CAMKMT: variants seen among roughly 807,000 people sequenced by gnomAD.
CAMKMT encodes CaM KMT.
CAMKMT carries 53 observed loss-of-function variants against 48.0 expected under a neutral mutation model. The observed-to-expected ratio is 1.10, with a 90% CI of 0.89 to 1.39. The LOEUF is 1.39. Among genes scored for constraint, CAMKMT ranks in the 40% most tolerant of loss-of-function variants. The pLI is 0.00. For missense variants in CAMKMT, 428 were observed against 402.7 expected (o/e 1.06, Z -0.54); for synonymous variants, 165 against 152.3 (o/e 1.08, Z -0.61).
intron 3 of CAMKMT, among the ~76,000 whole-genome samples, chr2:44,507,128 C>T (rs1329775913): frequency 6.6e-6 from 1 of 151,550 alleles, no homozygotes; most frequent in Admixed American, 6.6e-5. Context: ...AAATTGAAGG[C>T]AGTTTGGAGC....
chr2:44,615,330 A>G (rs1016346237), intron 3 of CAMKMT, among the ~76,000 whole-genome samples: 1 of 152,196 alleles, frequency 6.6e-6, no homozygotes, highest in African/African-American at 2.4e-5. Context: ...GTCCAAAGTC[A>G]GAGAAACCAT....
In CAMKMT at chr2:44,599,826, T is replaced by TAA. The variant is rs35544020; in HGVS notation, c.377-104443_377-104442dup. Among the ~76,000 whole-genome samples, 503 of 145,458 alleles carry TAA rather than the reference T, an allele frequency of 3.5e-3. 5 individuals are homozygous for TAA. Among genetic ancestry groups the TAA allele is most frequent in the South Asian group, 7.2e-3 (33 of 4,612 alleles). On this transcript the variant is annotated intron_variant, in intron 3 of 10. Coordinates refer to ENST00000378494, the MANE Select transcript of CAMKMT (RefSeq NM_024766.5). The stretch of plus-strand genomic sequence containing the variant: ...GTGGAGTTGACACCTTGGCAAGGTT[T>TAA]AAAAAAAAAAAAAAAGTGTATGTTT...
At chr2:44,665,698 A>G (rs893158178) in intron 3 of CAMKMT, among the ~76,000 whole-genome samples, 8 of 152,218 alleles carry the variant, frequency 5.3e-5, no homozygotes, top group African/African-American at 1.4e-4. Flanking sequence ...GGTTGTACTC[A>G]TCTTTCCGTC....
chr2:44,713,548 T>G (rs993121172), intron 6 of CAMKMT, among the ~76,000 whole-genome samples: 2 of 152,184 alleles, frequency 1.3e-5, no homozygotes, highest in Non-Finnish European at 2.9e-5. Context: ...GATGTGTCAT[T>G]TTAGTTAATC....
At chr2:44,371,134 G>A (rs1426510446) in intron 1 of CAMKMT, among the ~76,000 whole-genome samples, 2 of 151,996 alleles carry the variant, frequency 1.3e-5, no homozygotes, top group Non-Finnish European at 2.9e-5. Flanking sequence ...ACAGGCCCCC[G>A]CCACCACACC....
At chr2:44,459,758 C>T (rs1333244450) in intron 3 of CAMKMT, among the ~76,000 whole-genome samples, 1 of 152,098 alleles carries the variant, frequency 6.6e-6, no homozygotes, top group Non-Finnish European at 1.5e-5. Flanking sequence ...TAGCAAAGTG[C>T]CAAAAGTTCA....
chr2:44,412,293 A>G (rs1572806435), intron 3 of CAMKMT, among the ~76,000 whole-genome samples: 1 of 151,772 alleles, frequency 6.6e-6, no homozygotes, highest in African/African-American at 2.4e-5. Flanking sequence ...TTTGACACAA[A>G]TTGTTTTTGG....
At chr2:44,717,962 AC>A (rs1168733047) in intron 7 of CAMKMT, among the ~76,000 whole-genome samples, 1 of 151,750 alleles carries the variant, frequency 6.6e-6, no homozygotes, top group East Asian at 1.9e-4. Flanking sequence ...ACCTCTTCCT[AC>A]CTCTTACACA....
At chr2:44,441,628 G>A (rs1023610654) in intron 3 of CAMKMT, among the ~76,000 whole-genome samples, 4 of 151,778 alleles carry the variant, frequency 2.6e-5, no homozygotes, top group East Asian at 1.9e-4. Flanking sequence ...TAGTGCCTTC[G>A]AATATCTTTC....
At chr2:44,547,048 A>C (rs1667447884) in intron 3 of CAMKMT, among the ~76,000 whole-genome samples, 1 of 152,126 alleles carries the variant, frequency 6.6e-6, no homozygotes, top group African/African-American at 2.4e-5. Flanking sequence ...TGTGTCCAAA[A>C]TGTGTTGAGG....
At chr2:44,691,205 G>T (rs936264950) in intron 3 of CAMKMT, among the ~76,000 whole-genome samples, 3 of 152,206 alleles carry the variant, frequency 2.0e-5, no homozygotes, top group African/African-American at 7.2e-5. Flanking sequence ...CTGCGGTGAT[G>T]GCTATGACCG....
intron 3 of CAMKMT, among the ~76,000 whole-genome samples, chr2:44,479,918 G>A (rs1490746256): frequency 6.6e-6 from 1 of 152,170 alleles, no homozygotes; most frequent in Non-Finnish European, 1.5e-5. Flanking sequence ...CTCAGGGAAA[G>A]ATATGATGTA....
At chr2:44,631,386 T>TC (rs1672816419) in intron 3 of CAMKMT, 1 of 437,320 alleles carries the variant, frequency 2.3e-6, no homozygotes, top group Non-Finnish European at 4.0e-6. Context: ...ACCCTAAAAC[T>TC]TAAAGTATAA....
At chr2:44,416,568 A>ATT (rs34882377) in intron 3 of CAMKMT, among the ~76,000 whole-genome samples, 1,061 of 80,178 alleles carry the variant, frequency 0.013, 16 homozygotes, top group African/African-American at 0.023. Flanking sequence ...ACTTAGCATG[A>ATT]TTTTTTTTTT....
At chr2:44,580,216 T>G (rs1008238667) in intron 3 of CAMKMT, among the ~76,000 whole-genome samples, 1 of 141,558 alleles carries the variant, frequency 7.1e-6, no homozygotes, top group Non-Finnish European at 1.6e-5. Context: ...ATGCTAATGA[T>G]TGAGAATGAA....
chr2:44,419,650 A>C (rs1302742291), intron 3 of CAMKMT, among the ~76,000 whole-genome samples: 2 of 152,178 alleles, frequency 1.3e-5, no homozygotes, highest in African/African-American at 4.8e-5. Context: ...CACAGTCATC[A>C]CCGTAACCCT....
In CAMKMT at chr2:44,602,149, G is replaced by C. The variant is rs554489509; in HGVS notation, c.377-102134G>C. 9.9e-5 allele frequency among the ~76,000 whole-genome samples: 15 copies of C among 152,026 alleles called. No homozygotes were observed. In the South Asian group the frequency reaches 3.1e-3, roughly 32 times the overall value. ...GCCTCTCTAGTAGCTGGGACTACAG[G>C]TGCACACCCCCACACCTGGCTGATT... On this transcript the variant is annotated intron_variant, in intron 3 of 10. Coordinates refer to ENST00000378494, the MANE Select transcript of CAMKMT (RefSeq NM_024766.5).
At chr2:44,598,386 A>T (rs1457347389) in intron 3 of CAMKMT, among the ~76,000 whole-genome samples, 1 of 152,048 alleles carries the variant, frequency 6.6e-6, no homozygotes, top group African/African-American at 2.4e-5. Flanking sequence ...ATGAAGGAAT[A>T]TGGGAGAAAA....
intron 3 of CAMKMT, among the ~76,000 whole-genome samples, chr2:44,417,486 G>C (rs972707288): frequency 6.6e-6 from 1 of 152,164 alleles, no homozygotes; most frequent in Non-Finnish European, 1.5e-5. Flanking sequence ...TTCCGGTTTT[G>C]GGCTGTTTTG....
Sources: allele counts gnomAD v4.1 joint callset (sites outside exome capture counted in the v4.1 genomes callset), GRCh38; gene constraint gnomAD v4.1.1; transcripts MANE v1.5; gene names NCBI Gene and HGNC (gene_info 2026-07-23, HGNC 2026-07-21).